Variants in KIAA0825 observed in about 807,000 individuals in gnomAD.
KIAA0825 encodes KIAA0825, also known as uncharacterized protein KIAA0825.
A neutral mutation model predicts 147.6 loss-of-function variants in KIAA0825; 119 were observed. The ratio of observed to expected loss-of-function variants is 0.81; its 90% CI spans 0.69 to 0.94. The LOEUF is 0.94. KIAA0825 is among the 40% of genes least tolerant of loss of function. KIAA0825 has a pLI of 0.00. For missense variants in KIAA0825, 1,381 were observed against 1,472.7 expected (o/e 0.94, Z 1.02); for synonymous variants, 470 against 518.1 (o/e 0.91, Z 1.26).
At chr5:94,540,458 T>C (rs1042456420) in intron 2 of KIAA0825, among the ~76,000 whole-genome samples, 1 of 152,206 alleles carries the variant, frequency 6.6e-6, no homozygotes, top group African/African-American at 2.4e-5. Context: ...CACATGGCAG[T>C]ACTTTCTCTT....
In KIAA0825 at chr5:94,266,953, A is replaced by G. The variant is rs144312171; in HGVS notation, c.3711-112829T>C. On this transcript the variant is annotated intron_variant, in intron 20 of 20. Transcript: ENST00000682413. ...TAGGGCCAAAAATTTGAGAACCACTAAAGTAGATGTTCAATAAATATCTGG... is the reference window on the plus strand; with the variant it reads ...TAGGGCCAAAAATTTGAGAACCACTGAAGTAGATGTTCAATAAATATCTGG... 7.1e-3 allele frequency among the ~76,000 whole-genome samples: 1,079 copies of G among 152,294 alleles called. 8 individuals carry two copies. Among genetic ancestry groups the G allele is most frequent in the Non-Finnish European group, 1.0e-2 (677 of 68,006 alleles).
chr5:94,608,539 G>A (rs1175560904), intron 1 of KIAA0825, among the ~76,000 whole-genome samples: 1 of 93,314 alleles, frequency 1.1e-5, no homozygotes, highest in African/African-American at 4.1e-5. Context: ...TCACCCTGTT[G>A]GCCAGGCTGT....
intron 20 of KIAA0825, among the ~76,000 whole-genome samples, chr5:94,156,690 T>C (rs1767056994): frequency 6.6e-6 from 1 of 152,192 alleles, no homozygotes; most frequent in South Asian, 2.1e-4. Context: ...TAATTAATGA[T>C]ATTAGGTAAA....
intron 2 of KIAA0825, among the ~76,000 whole-genome samples, chr5:94,544,776 CAG>C (rs1774005234): frequency 6.6e-6 from 1 of 152,052 alleles, no homozygotes; most frequent in African/African-American, 2.4e-5. Flanking sequence ...AATTGATGTA[CAG>C]AGTGTCAGGA....
chr5:94,375,063 G>A (rs966112760), intron 20 of KIAA0825, among the ~76,000 whole-genome samples: 9 of 126,686 alleles, frequency 7.1e-5, no homozygotes, highest in South Asian at 2.3e-4. Context: ...ATAAAGTCTC[G>A]CTCTGTCGCC....
At chr5:94,297,193 A>G (rs1307088551) in intron 20 of KIAA0825, among the ~76,000 whole-genome samples, 5 of 152,186 alleles carry the variant, frequency 3.3e-5, no homozygotes, top group African/African-American at 1.2e-4. Context: ...CAGAGTAAAA[A>G]CATAACCACT....
chr5:94,590,452 CCA>C (rs1784147469), intron 1 of KIAA0825, among the ~76,000 whole-genome samples: 1 of 152,112 alleles, frequency 6.6e-6, no homozygotes, highest in Non-Finnish European at 1.5e-5. Flanking sequence ...AGGACAACAG[CCA>C]CACTGAGAAG....
intron 20 of KIAA0825, among the ~76,000 whole-genome samples, chr5:94,221,325 T>C (rs1773650383): frequency 6.6e-6 from 1 of 152,162 alleles, no homozygotes; most frequent in Admixed American, 6.5e-5. Context: ...CTTTATAGAC[T>C]CGAAGTAAAT....
At chr5:94,179,128 A>G (rs1769369160) in intron 20 of KIAA0825, among the ~76,000 whole-genome samples, 1 of 152,090 alleles carries the variant, frequency 6.6e-6, no homozygotes, top group South Asian at 2.1e-4. Flanking sequence ...GTTGAGAATG[A>G]GAGGAGAGAT....
intron 20 of KIAA0825, among the ~76,000 whole-genome samples, chr5:94,290,693 C>T (rs539275246): frequency 6.6e-6 from 1 of 152,206 alleles, no homozygotes; most frequent in South Asian, 2.1e-4. Flanking sequence ...GTTTTAGATC[C>T]TTGAGGAATC....
At chr5:94,369,086 G>A (rs1400060943) in intron 20 of KIAA0825, among the ~76,000 whole-genome samples, 1 of 152,064 alleles carries the variant, frequency 6.6e-6, no homozygotes, top group Non-Finnish European at 1.5e-5. Context: ...TGGTCCTGGG[G>A]CATTGAGGCT....
chr5:94,309,656 T>C (rs1778987667), intron 20 of KIAA0825, among the ~76,000 whole-genome samples: 1 of 151,674 alleles, frequency 6.6e-6, no homozygotes, highest in Non-Finnish European at 1.5e-5. Context: ...AGGCATAGGA[T>C]ACGACAGTGG....
At chr5:94,168,014 C>A (rs1002333166) in intron 20 of KIAA0825, among the ~76,000 whole-genome samples, 1 of 149,080 alleles carries the variant, frequency 6.7e-6, no homozygotes, top group African/African-American at 2.5e-5. Flanking sequence ...ACCCCCGAAA[C>A]CCAATTTAAT....
rs781292218 is a variant in KIAA0825, at chr5:94,575,361, GA to G, written c.-2+7071del. On this transcript the variant is annotated intron_variant, in intron 2 of 20. Coordinates refer to ENST00000682413, the MANE Select transcript of KIAA0825 (RefSeq NM_001145678.3). ...ATAGGAAGAGGATGTGGCCATGACG[GA>G]AAAAAAAAAAAAGATAGATCTGAAA... Among the ~76,000 whole-genome samples, 728 of 140,562 alleles carry G rather than the reference GA, an allele frequency of 5.2e-3. 4 individuals carry two copies. Among genetic ancestry groups the G allele is most frequent in the African/African-American group, 0.014 (543 of 38,640 alleles). The allele number at this position is 140,562 out of a possible 152,430, so 92.2% of individuals were successfully genotyped here.
At chr5:94,183,718 C>T (rs1769874874) in intron 20 of KIAA0825, among the ~76,000 whole-genome samples, 1 of 152,130 alleles carries the variant, frequency 6.6e-6, no homozygotes, top group African/African-American at 2.4e-5. Flanking sequence ...ATCCACATGC[C>T]AGGAGGGTGG....
intron 20 of KIAA0825, among the ~76,000 whole-genome samples, chr5:94,337,755 C>A (rs1781963287): frequency 6.6e-6 from 1 of 152,112 alleles, no homozygotes; most frequent in South Asian, 2.1e-4. Context: ...TAAGAAGTTA[C>A]CTACAGTGAG....
In KIAA0825 at chr5:94,457,829, C is replaced by T. The variant is rs543113031; in HGVS notation, c.2246+4558G>A. 1.1e-3 allele frequency among the ~76,000 whole-genome samples: 174 copies of T among 152,168 alleles called. 2 individuals are homozygous for T. Among genetic ancestry groups the T allele is most frequent in the African/African-American group, 3.3e-3 (136 of 41,516 alleles). ...CCCAGGAGAAACGGGTCTCATAATA[C>T]GATGTTAATGGAATAAACCTCCATG... is the stretch of plus-strand genomic sequence containing the variant. On this transcript the variant is annotated intron_variant, in intron 12 of 20. Transcript: ENST00000682413.
At chr5:94,346,289 A>G (rs1194453383) in intron 20 of KIAA0825, among the ~76,000 whole-genome samples, 1 of 152,194 alleles carries the variant, frequency 6.6e-6, no homozygotes, top group Admixed American at 6.5e-5. Flanking sequence ...TTAATTGATC[A>G]AATTAGATAA....
chr5:94,568,973 A>C (rs1779295515), intron 2 of KIAA0825: 1 of 167,008 alleles, frequency 6.0e-6, no homozygotes, highest in Admixed American at 6.4e-5. Context: ...ATTACAATAT[A>C]TACACCAACA....
Sources: allele counts gnomAD v4.1 joint callset (sites outside exome capture counted in the v4.1 genomes callset), GRCh38; gene constraint gnomAD v4.1.1; transcripts MANE v1.5; gene names NCBI Gene and HGNC (gene_info 2026-07-23, HGNC 2026-07-21).